HGF: variants seen among roughly 807,000 people sequenced by gnomAD.
HGF encodes fibroblast-derived tumor cytotoxic factor.
HGF carries 39 observed loss-of-function variants against 111.6 expected under a neutral mutation model. That is an observed-to-expected ratio of 0.35 (90% CI 0.27 to 0.46). The LOEUF (loss-of-function observed/expected upper bound fraction) is 0.46, where lower values mean the gene tolerates loss of function less well. Ranked by LOEUF, HGF falls within the 20% of genes least tolerant of loss-of-function variation. The pLI is 1.00. For missense variants in HGF, 735 were observed against 910.5 expected (o/e 0.81, Z 2.48); for synonymous variants, 285 against 294.8 (o/e 0.97, Z 0.34).
chr7:81,726,432 G>A (rs1185013439), intron 8 of HGF, among the ~76,000 whole-genome samples: 1 of 152,054 alleles, frequency 6.6e-6, no homozygotes, highest in Admixed American at 6.6e-5. Flanking sequence ...GTGGAAGAAA[G>A]GTTATTATCA....
intron 6 of HGF, among the ~76,000 whole-genome samples, chr7:81,744,783 C>A (rs1274045077): frequency 6.6e-6 from 1 of 152,126 alleles, no homozygotes; most frequent in East Asian, 1.9e-4. Flanking sequence ...TTCTCATGTA[C>A]CTCATCATAA....
chr7:81,705,138 G>A (rs1046652047), intron 17 of HGF, among the ~76,000 whole-genome samples: 5 of 147,744 alleles, frequency 3.4e-5, no homozygotes, highest in African/African-American at 1.2e-4. Context: ...CTCCCTTGGA[G>A]TTCCGGCTCT....
rs566083737 is a variant in HGF, at chr7:81,762,507, G to T, written c.254+200C>A. Among the ~76,000 whole-genome samples the T allele has an allele frequency of 1.1e-4, 16 of 152,292 alleles. No homozygotes were observed. In the South Asian group the frequency reaches 3.3e-3, roughly 32 times the overall value. The stretch of plus-strand genomic sequence containing the variant: ...AAGCCACTGTGGATTTTAGAAGGTA[G>T]CAGTTTTTGCGCTCTCCCTTACTCA... On this transcript the variant is annotated intron_variant, in intron 2 of 17. Coordinates refer to ENST00000222390, the MANE Select transcript of HGF (RefSeq NM_000601.6).
chr7:81,729,371 T>C (rs1787557293), intron 8 of HGF, among the ~76,000 whole-genome samples: 1 of 152,188 alleles, frequency 6.6e-6, no homozygotes, highest in South Asian at 2.1e-4. Context: ...ATAGTGAATC[T>C]ACCCTCTGGA....
At chr7:81,731,642 GT>G (rs1178073876) in intron 7 of HGF, among the ~76,000 whole-genome samples, 1 of 152,088 alleles carries the variant, frequency 6.6e-6, no homozygotes, top group Admixed American at 6.6e-5. Context: ...ATGCCATTAA[GT>G]TACTCTATTT....
At chr7:81,714,703 TA>T (rs60698327) in intron 11 of HGF, among the ~76,000 whole-genome samples, 3,560 of 151,930 alleles carry the variant, frequency 0.023, 136 homozygotes, top group African/African-American at 0.078. Context: ...GTAAGCATGT[TA>T]AAAAAAAGAA....
intron 11 of HGF, among the ~76,000 whole-genome samples, chr7:81,716,044 G>A (rs1211739557): frequency 1.3e-5 from 2 of 152,056 alleles, no homozygotes; most frequent in South Asian, 2.1e-4. Flanking sequence ...TTATAAAAAG[G>A]CTTTTTCACT....
chr7:81,713,894 A>G (rs1789638763), intron 11 of HGF, among the ~76,000 whole-genome samples: 1 of 152,116 alleles, frequency 6.6e-6, no homozygotes. Flanking sequence ...TATATGTGAT[A>G]CAATACTTAT....
intron 7 of HGF, among the ~76,000 whole-genome samples, chr7:81,737,609 C>A (rs770458630): frequency 6.6e-6 from 1 of 152,034 alleles, no homozygotes; most frequent in Non-Finnish European, 1.5e-5. Flanking sequence ...AAATACAAGA[C>A]ACCCAGCTGT....
intron 9 of HGF, 66 bp from the exon 10 acceptor site, chr7:81,720,913 T>C: frequency 1.2e-6 from 1 of 848,582 alleles, no homozygotes; most frequent in African/African-American, 1.7e-5. Flanking sequence ...AAAGGTTTTT[T>C]ACAAGTATAT....
intron 2 of HGF, among the ~76,000 whole-genome samples, chr7:81,759,947 CA>C (rs1381680683): frequency 6.6e-6 from 1 of 151,922 alleles, no homozygotes; most frequent in East Asian, 1.9e-4. Flanking sequence ...GATAAATACG[CA>C]AAAAAATGAT....
chr7:81,726,605 G>A (rs932305155), intron 8 of HGF, among the ~76,000 whole-genome samples: 4 of 151,982 alleles, frequency 2.6e-5, no homozygotes, highest in African/African-American at 9.7e-5. Context: ...TTGATTTAGA[G>A]AGGTTACCTA....
chr7:81,753,081 C>T (rs1562901581), intron 4 of HGF, among the ~76,000 whole-genome samples: 1 of 152,038 alleles, frequency 6.6e-6, no homozygotes, highest in African/African-American at 2.4e-5. Context: ...TTAGTGATCC[C>T]AGTTTTGGTT....
chr7:81,759,599 G>C (rs5745630), intron 2 of HGF, among the ~76,000 whole-genome samples: 4 of 151,896 alleles, frequency 2.6e-5, no homozygotes, highest in African/African-American at 9.7e-5. Context: ...CCGCCTCCCG[G>C]GTTCACGCCA....
At chr7:81,739,757 G>A (rs928121943) in intron 7 of HGF, among the ~76,000 whole-genome samples, 3 of 151,984 alleles carry the variant, frequency 2.0e-5, no homozygotes, top group East Asian at 3.9e-4. Flanking sequence ...ATGCCCAAAG[G>A]CCCCTAAGAG....
chr7:81,727,212 T>G (rs1309300934), intron 8 of HGF, among the ~76,000 whole-genome samples: 1 of 4,316 alleles, frequency 2.3e-4, no homozygotes, highest in African/African-American at 3.4e-3. Flanking sequence ...GGCTAATTGT[T>G]TTTTTTTTTT....
chr7:81,744,865 T>G, intron 6 of HGF, 135 bp downstream of exon 6: 2 of 1,006,196 alleles, frequency 2.0e-6, no homozygotes, highest in South Asian at 2.8e-5. Flanking sequence ...TCCTGAACAT[T>G]CTGGGAGTTC....
At chr7:81,756,522 T>A (rs5745641) in intron 4 of HGF, 121 of 161,398 alleles carry the variant, frequency 7.5e-4, no homozygotes, top group African/African-American at 2.6e-3. Flanking sequence ...TGTTTACTCA[T>A]CTTTAAATAG....
intron 2 of HGF, among the ~76,000 whole-genome samples, chr7:81,761,549 C>A (rs1437305479): frequency 4.8e-5 from 7 of 147,212 alleles, no homozygotes; most frequent in African/African-American, 1.8e-4. Context: ...TTATGCATGA[C>A]CCTGTTAAAA....
Sources: allele counts gnomAD v4.1 joint callset (sites outside exome capture counted in the v4.1 genomes callset), GRCh38; gene constraint gnomAD v4.1.1; transcripts MANE v1.5; gene names NCBI Gene and HGNC (gene_info 2026-07-23, HGNC 2026-07-21).